Variants in MPDZ observed in about 807,000 individuals in gnomAD.
MPDZ encodes multiple PDZ domain protein.
A neutral mutation model predicts 239.1 loss-of-function variants in MPDZ; 234 were observed. The ratio of observed to expected loss-of-function variants is 0.98; its 90% CI spans 0.88 to 1.09. MPDZ has a LOEUF of 1.09. Ranked by LOEUF, MPDZ falls within the 50% of genes least tolerant of loss-of-function variation. The pLI, the probability that MPDZ is intolerant of heterozygous loss-of-function variation, is 0.00. For synonymous variants in MPDZ, 1,048 were observed against 881.3 expected, an observed-to-expected ratio of 1.19 and a Z score of -3.35; for missense variants, 3,175 against 2,510.0, an observed-to-expected ratio of 1.26 and a Z score of -5.66.
chr9:13,254,231 T>C (rs1203851969), intron 1 of MPDZ, among the ~76,000 whole-genome samples: 2 of 152,196 alleles, frequency 1.3e-5, no homozygotes, highest in Non-Finnish European at 2.9e-5. Context: ...GAAGTCAGAA[T>C]TATGTATATT....
chr9:13,276,573 C>T lies in MPDZ; in HGVS notation c.-58+2827G>A, dbSNP rs760807960. 3 of 152,182 alleles carry T rather than the reference C, an allele frequency of 2.0e-5. No homozygotes were observed. In the East Asian group the frequency reaches 5.8e-4, roughly 29 times the overall value. The allele number at this position is 152,182 out of a possible 1,614,324, so 9.4% of individuals were successfully genotyped here. On this transcript the variant is annotated intron_variant, in intron 1 of 46. Coordinates refer to ENST00000319217, the MANE Select transcript of MPDZ (RefSeq NM_001378778.1). ...GGACATATATCATCACTCATACGCA[C>T]CATCAAGCAGTCCTAAATTCACCAG...
intron 32 of MPDZ, among the ~76,000 whole-genome samples, chr9:13,132,424 G>A (rs1304299321): frequency 1.3e-5 from 2 of 152,162 alleles, no homozygotes; most frequent in African/African-American, 4.8e-5. Flanking sequence ...GAACTTGAAT[G>A]TATCTGTTTG....
chr9:13,213,703 A>G (rs1957928144), intron 10 of MPDZ, among the ~76,000 whole-genome samples: 1 of 152,098 alleles, frequency 6.6e-6, no homozygotes, highest in South Asian at 2.1e-4. Context: ...TGAAAGCAAG[A>G]AAACAATTCA....
chr9:13,121,955 C>T, intron 37 of MPDZ, 23 bp from the exon 38 acceptor site: 1 of 1,608,122 alleles, frequency 6.2e-7, no homozygotes, highest in Non-Finnish European at 8.5e-7. Context: ...GGGACACTGA[C>T]TGTAAGGAAC....
chr9:13,130,381 C>T (rs758029303), intron 32 of MPDZ, among the ~76,000 whole-genome samples: 1 of 152,204 alleles, frequency 6.6e-6, no homozygotes, highest in Non-Finnish European at 1.5e-5. Flanking sequence ...CTTCCTGACT[C>T]TCCTGATCTC....
At chr9:13,241,383 A>AT (rs1478360011) in intron 3 of MPDZ, among the ~76,000 whole-genome samples, 1 of 152,156 alleles carries the variant, frequency 6.6e-6, no homozygotes, top group Admixed American at 6.5e-5. Flanking sequence ...GTTCCACTCC[A>AT]TTTTTAAATA....
intron 1 of MPDZ, among the ~76,000 whole-genome samples, chr9:13,272,408 A>T (rs747092947): frequency 1.3e-5 from 2 of 152,196 alleles, no homozygotes; most frequent in Non-Finnish European, 2.9e-5. Context: ...AATAGATTAA[A>T]TCAGAATGAA....
intron 21 of MPDZ, among the ~76,000 whole-genome samples, chr9:13,169,540 G>A (rs1339254362): frequency 2.0e-5 from 3 of 151,994 alleles, no homozygotes; most frequent in Non-Finnish European, 4.4e-5. Flanking sequence ...TCCAGACTAA[G>A]GCAACACCTT....
In MPDZ at chr9:13,136,148, G is replaced by C. The variant is rs1305451081; in HGVS notation, c.4327C>G (p.Pro1443Ala). The C allele has an allele frequency of 6.2e-7, 1 of 1,612,578 alleles. No homozygotes were observed. The highest frequency in any genetic ancestry group is 1.3e-5 in the African/African-American group (1 of 74,766). Residue 1443 changes from proline to alanine, a missense_variant, in exon 31 of 47, where the codon CCT becomes GCT. Transcript: ENST00000319217. The part of the protein sequence containing the change: ...KDAVNQMAVC[P>A]GNAVEPLPSN... ...GGCAAAGGTTCTACTGCATTTCCAG[G>C]ACATACGGCCATCTGATTCACTGCA...
intron 39 of MPDZ, among the ~76,000 whole-genome samples, chr9:13,118,733 T>C (rs1943883605): frequency 6.6e-6 from 1 of 152,254 alleles, no homozygotes; most frequent in Admixed American, 6.5e-5. Flanking sequence ...CCAGGAATTA[T>C]ATTGTCAAAT....
chr9:13,180,322 A>T (rs904765935), intron 19 of MPDZ, among the ~76,000 whole-genome samples: 3 of 152,202 alleles, frequency 2.0e-5, no homozygotes, highest in African/African-American at 7.2e-5. Flanking sequence ...TCCTATCTTG[A>T]TAAACATCAA....
At chr9:13,187,120 T>C (rs1004962831) in intron 17 of MPDZ, among the ~76,000 whole-genome samples, 4 of 152,112 alleles carry the variant, frequency 2.6e-5, no homozygotes, top group East Asian at 1.9e-4. Context: ...CAGCAAAACA[T>C]ACAGAAGAAG....
At chr9:13,123,431 T>C in intron 35 of MPDZ, 133 bp from the exon 36 acceptor site, 1 of 609,236 alleles carries the variant, frequency 1.6e-6, no homozygotes, top group Admixed American at 3.0e-5. Context: ...AGAGACTTTG[T>C]ATTTACCTCA....
intron 3 of MPDZ, among the ~76,000 whole-genome samples, chr9:13,240,941 AT>A (rs1965262677): frequency 6.6e-6 from 1 of 152,152 alleles, no homozygotes; most frequent in African/African-American, 2.4e-5. Flanking sequence ...TGTCACAAAA[AT>A]ACCATACAAT....
At chr9:13,220,541 CT>C (rs1300969778) in intron 7 of MPDZ, among the ~76,000 whole-genome samples, 1 of 151,922 alleles carries the variant, frequency 6.6e-6, no homozygotes, top group Non-Finnish European at 1.5e-5. Flanking sequence ...ATATCACATG[CT>C]AGTCAACGAG....
intron 22 of MPDZ, among the ~76,000 whole-genome samples, chr9:13,167,683 A>G (rs1421304021): frequency 6.6e-6 from 1 of 152,180 alleles, no homozygotes; most frequent in East Asian, 1.9e-4. Context: ...GGAAAATGCC[A>G]CATTGATGAA....
intron 39 of MPDZ, among the ~76,000 whole-genome samples, chr9:13,119,259 T>C (rs990196625): frequency 2.0e-5 from 3 of 152,052 alleles, no homozygotes; most frequent in Non-Finnish European, 4.4e-5. Flanking sequence ...AATTTTTATA[T>C]TTTTTTGTAG....
chr9:13,217,180 C>A lies in MPDZ; in HGVS notation c.1201G>T (p.Glu401Ter). The change falls in exon 9 of 47, where the codon GAA (glutamate) becomes TAA (stop). Residue 401 changes from glutamate to a stop codon, truncating the protein, a stop_gained and splice_region_variant. Coordinates refer to ENST00000319217, the MANE Select transcript of MPDZ (RefSeq NM_001378778.1). LOFTEE classifies it high-confidence loss of function. ...IAGYIGDKKL[E>*]PSGIFVKSIT... ...AAGAATACTTAATGTTTAAAATTAC[C>A]CAATTTTTTATCTCCAATGTAGCCA... The A allele has an allele frequency of 6.4e-7, 1 of 1,557,558 alleles. No individual in the cohort carries two copies. The highest frequency in any genetic ancestry group is 1.2e-5 in the South Asian group (1 of 83,886).
intron 3 of MPDZ, among the ~76,000 whole-genome samples, chr9:13,236,711 A>T (rs1386265465): frequency 1.3e-5 from 2 of 152,116 alleles, no homozygotes; most frequent in African/African-American, 4.8e-5. Context: ...AATATTTATG[A>T]ACACTCGAAT....
Sources: gnomAD v4.1 joint callset for allele counts (sites outside exome capture counted in the v4.1 genomes callset) on GRCh38, gnomAD v4.1.1 for gene constraint, MANE v1.5 for transcripts, NCBI Gene and HGNC (gene_info 2026-07-23, HGNC 2026-07-21) for gene names.